ROBO2: variants seen among roughly 807,000 people sequenced by gnomAD.
ROBO2 encodes roundabout guidance receptor 2, also known as roundabout homolog 2.
A neutral mutation model predicts 160.8 loss-of-function variants in ROBO2; 53 were observed. The ratio of observed to expected loss-of-function variants is 0.33; its 90% CI spans 0.26 to 0.41. The LOEUF is 0.41. Ranked by LOEUF, ROBO2 falls within the 10% of genes least tolerant of loss-of-function variation. ROBO2 has a pLI of 1.00. For synonymous variants in ROBO2, 664 were observed against 611.7 expected, an observed-to-expected ratio of 1.09 and a Z score of -1.26; for missense variants, 1,577 against 1,722.4, an observed-to-expected ratio of 0.92 and a Z score of 1.49.
chr3:76,130,757 T>TA (rs2071193253), intron 2 of ROBO2, among the ~76,000 whole-genome samples: 1 of 152,148 alleles, frequency 6.6e-6, no homozygotes, highest in South Asian at 2.1e-4. Flanking sequence ...ATTCATGTTC[T>TA]AAAAAAATTA....
intron 2 of ROBO2, among the ~76,000 whole-genome samples, chr3:76,985,392 C>G (rs995997299): frequency 1.3e-4 from 19 of 151,598 alleles, no homozygotes; most frequent in African/African-American, 4.4e-4. Context: ...ACCATCCTGG[C>G]TAACACGGTG....
chr3:76,227,773 A>G (rs922649766), intron 2 of ROBO2, among the ~76,000 whole-genome samples: 2 of 152,108 alleles, frequency 1.3e-5, no homozygotes, highest in African/African-American at 4.8e-5. Context: ...CCCACCCTAG[A>G]CTTCTGCTTT....
rs180987653 is a variant in ROBO2, at chr3:77,030,146, G to T, written c.110-67868G>T. ...TTTTTAGTAGAGACGGGGTTTCACC[G>T]TGTTAGCCAGGATTGTCTCGATCTC... is the stretch of plus-strand genomic sequence containing the variant. On this transcript the variant is annotated intron_variant, in intron 2 of 26. Coordinates refer to the ROBO2 transcript ENST00000487694. Among the ~76,000 whole-genome samples, 380 of 151,290 alleles carry T rather than the reference G, an allele frequency of 2.5e-3. 4 individuals carry two copies. Among genetic ancestry groups the T allele is most frequent in the African/African-American group, 8.4e-3 (345 of 40,848 alleles).
intron 2 of ROBO2, among the ~76,000 whole-genome samples, chr3:76,895,699 A>T (rs1051415162): frequency 1.3e-5 from 2 of 152,172 alleles, no homozygotes; most frequent in Non-Finnish European, 2.9e-5. Flanking sequence ...AGCTAAAATA[A>T]CTGCAAAATA....
intron 2 of ROBO2, among the ~76,000 whole-genome samples, chr3:76,887,196 T>A (rs2073967211): frequency 2.6e-5 from 1 of 37,832 alleles, no homozygotes; most frequent in African/African-American, 1.7e-4. Flanking sequence ...CAGGAAGCAT[T>A]TTTTTTTTTT....
intron 2 of ROBO2, among the ~76,000 whole-genome samples, chr3:76,549,348 C>A (rs2083287471): frequency 6.6e-6 from 1 of 152,056 alleles, no homozygotes; most frequent in African/African-American, 2.4e-5. Context: ...GAAGAGCAGA[C>A]CACAGTGGCT....
At chr3:76,559,368 A>T (rs968333474) in intron 2 of ROBO2, among the ~76,000 whole-genome samples, 3 of 152,244 alleles carry the variant, frequency 2.0e-5, no homozygotes, top group Admixed American at 1.3e-4. Context: ...GACATAATTT[A>T]GATCATGCAT....
chr3:76,073,411 G>A (rs2068535864), intron 2 of ROBO2, among the ~76,000 whole-genome samples: 1 of 149,502 alleles, frequency 6.7e-6, no homozygotes, highest in Non-Finnish European at 1.5e-5. Context: ...TCCTGCCTCA[G>A]CCTCCGGAGT....
intron 2 of ROBO2, among the ~76,000 whole-genome samples, chr3:76,633,302 CAG>C (rs1338971019): frequency 6.6e-6 from 1 of 152,118 alleles, no homozygotes; most frequent in East Asian, 1.9e-4. Context: ...CACATGAAAT[CAG>C]GCAAGCAAGT....
chr3:77,065,605 C>A (rs182842929), intron 1 of ROBO2, among the ~76,000 whole-genome samples: 1 of 152,068 alleles, frequency 6.6e-6, no homozygotes, highest in African/African-American at 2.4e-5. Context: ...ATCATCCATG[C>A]TATTGATTAA....
chr3:76,308,331 C>T (rs1304546864), intron 2 of ROBO2, among the ~76,000 whole-genome samples: 4 of 140,826 alleles, frequency 2.8e-5, no homozygotes, highest in Non-Finnish European at 4.5e-5. Context: ...AAGGCGAGAT[C>T]GCACCACTGC....
intron 2 of ROBO2, among the ~76,000 whole-genome samples, chr3:77,209,785 G>A (rs1462358508): frequency 7.2e-5 from 11 of 152,072 alleles, no homozygotes; most frequent in Admixed American, 5.9e-4. Context: ...TGTCAGGCTG[G>A]CCTTATCAGA....
chr3:77,340,147 A>G (rs2066913324), intron 2 of ROBO2, among the ~76,000 whole-genome samples: 1 of 152,134 alleles, frequency 6.6e-6, no homozygotes, highest in Non-Finnish European at 1.5e-5. Flanking sequence ...CGTATTAGCT[A>G]TAACACAAGT....
At chr3:76,599,370 T>TA (rs1408752185) in intron 2 of ROBO2, among the ~76,000 whole-genome samples, 5 of 152,198 alleles carry the variant, frequency 3.3e-5, no homozygotes, top group African/African-American at 9.6e-5. Context: ...TAATGGCCTC[T>TA]AGCTCCATTC....
chr3:77,600,643 C>G (rs1473106113), intron 19 of ROBO2, among the ~76,000 whole-genome samples: 3 of 152,092 alleles, frequency 2.0e-5, no homozygotes, highest in Non-Finnish European at 4.4e-5. Flanking sequence ...ACTTAATATT[C>G]ATCAGTGAAG....
chr3:76,838,330 G>A (rs1052563347), intron 2 of ROBO2, among the ~76,000 whole-genome samples: 1 of 152,002 alleles, frequency 6.6e-6, no homozygotes, highest in Non-Finnish European at 1.5e-5. Context: ...CGAACCCACA[G>A]ATATGAGTTT....
At chr3:77,491,623 C>T (rs1168361739) in intron 4 of ROBO2, among the ~76,000 whole-genome samples, 2 of 152,150 alleles carry the variant, frequency 1.3e-5, no homozygotes, top group African/African-American at 2.4e-5. Context: ...TTTTATCCGA[C>T]ATGTTGTCTA....
intron 2 of ROBO2, among the ~76,000 whole-genome samples, chr3:76,787,921 G>C (rs539902229): frequency 1.3e-5 from 2 of 151,402 alleles, no homozygotes; most frequent in Admixed American, 1.3e-4. Flanking sequence ...TACGTATATA[G>C]AGCAGAAACA....
intron 2 of ROBO2, among the ~76,000 whole-genome samples, chr3:77,154,108 T>C (rs1268616716): frequency 6.6e-6 from 1 of 151,738 alleles, no homozygotes; most frequent in Non-Finnish European, 1.5e-5. Flanking sequence ...AACAGAATTA[T>C]AATGGGATCA....
Sources: allele counts gnomAD v4.1 joint callset (sites outside exome capture counted in the v4.1 genomes callset), GRCh38; gene constraint gnomAD v4.1.1; transcripts MANE v1.5; gene names NCBI Gene and HGNC (gene_info 2026-07-23, HGNC 2026-07-21).